ZNF704: variants seen among roughly 807,000 people sequenced by gnomAD.
The protein encoded by ZNF704 is glucocorticoid induced gene 1.
In ZNF704, 10 loss-of-function variants were observed where a neutral mutation model predicts 44.7. The ratio of observed to expected loss-of-function variants is 0.22; its 90% confidence interval spans 0.14 to 0.38. The LOEUF is 0.38. ZNF704 is among the 10% of genes least tolerant of loss of function. The pLI is 1.00. For synonymous variants in ZNF704, 211 were observed against 207.6 expected, an observed-to-expected ratio of 1.02 and a Z score of -0.14; for missense variants, 390 against 545.5, an observed-to-expected ratio of 0.71 and a Z score of 2.84.
chr8:80,816,289 T>A (rs1305176877), intron 2 of ZNF704, among the ~76,000 whole-genome samples: 2 of 152,224 alleles, frequency 1.3e-5, no homozygotes, highest in Non-Finnish European at 2.9e-5. Context: ...ACAAAATCCT[T>A]CTCAGTGACA....
intron 1 of ZNF704, among the ~76,000 whole-genome samples, chr8:80,868,063 C>T (rs756185506): frequency 6.6e-6 from 1 of 152,188 alleles, no homozygotes; most frequent in African/African-American, 2.4e-5. Context: ...GTTATCTCAG[C>T]CTCGCTACTG....
At chr8:80,706,207 T>G (rs1391120180) in intron 2 of ZNF704, among the ~76,000 whole-genome samples, 2 of 152,154 alleles carry the variant, frequency 1.3e-5, no homozygotes, top group Non-Finnish European at 2.9e-5. Context: ...GAGCCTCAAA[T>G]CCACTTAAGC....
At chr8:80,752,322 AAAC>A (rs1262930612) in intron 2 of ZNF704, among the ~76,000 whole-genome samples, 1 of 152,068 alleles carries the variant, frequency 6.6e-6, no homozygotes, top group Admixed American at 6.5e-5. Context: ...AGGAAAAAAA[AAAC>A]AACACAAAGT....
intron 2 of ZNF704, among the ~76,000 whole-genome samples, chr8:80,729,931 G>A (rs746253176): frequency 1.3e-5 from 2 of 152,128 alleles, no homozygotes; most frequent in East Asian, 1.9e-4. Context: ...TTACTGCTGC[G>A]AATCACCTGG....
At chr8:80,741,224 A>G (rs1201567833) in intron 2 of ZNF704, among the ~76,000 whole-genome samples, 1 of 152,206 alleles carries the variant, frequency 6.6e-6, no homozygotes, top group Non-Finnish European at 1.5e-5. Flanking sequence ...GCCAATACCC[A>G]TTTAGTAAGA....
At chr8:80,843,975 A>G (rs772215463) in intron 1 of ZNF704, among the ~76,000 whole-genome samples, 22 of 126,452 alleles carry the variant, frequency 1.7e-4, no homozygotes, top group South Asian at 4.4e-4. Flanking sequence ...ATATGTGTAT[A>G]TATATATATA....
intron 7 of ZNF704, among the ~76,000 whole-genome samples, chr8:80,655,069 T>C (rs1205010193): frequency 6.6e-6 from 1 of 152,112 alleles, no homozygotes; most frequent in African/African-American, 2.4e-5. Context: ...GAAACCATCA[T>C]TCTCAGCAAA....
At chr8:80,669,350 C>T (rs1015881399) in intron 5 of ZNF704, among the ~76,000 whole-genome samples, 2 of 152,162 alleles carry the variant, frequency 1.3e-5, no homozygotes, top group African/African-American at 4.8e-5. Flanking sequence ...GTGTTCTTCC[C>T]TGAGGTATTT....
chr8:80,771,004 A>G (rs918152124), intron 2 of ZNF704, among the ~76,000 whole-genome samples: 1 of 152,068 alleles, frequency 6.6e-6, no homozygotes, highest in Non-Finnish European at 1.5e-5. Flanking sequence ...TTTCTTTTAC[A>G]CTTTTGTCAA....
At chr8:80,855,641 T>A (rs1808947497) in intron 1 of ZNF704, among the ~76,000 whole-genome samples, 1 of 152,182 alleles carries the variant, frequency 6.6e-6, no homozygotes, top group Non-Finnish European at 1.5e-5. Context: ...AAGAGGTGGA[T>A]GATGAGAGAT....
chr8:80,751,693 T>C (rs1454637517), intron 2 of ZNF704, among the ~76,000 whole-genome samples: 1 of 152,210 alleles, frequency 6.6e-6, no homozygotes, highest in East Asian at 1.9e-4. Context: ...AATCACTGTT[T>C]TGCTCTCCTT....
At chr8:80,784,712 C>T (rs1807586751) in intron 2 of ZNF704, among the ~76,000 whole-genome samples, 1 of 152,198 alleles carries the variant, frequency 6.6e-6, no homozygotes, top group South Asian at 2.1e-4. Flanking sequence ...TCGCTTGACA[C>T]TGTCTTTTGC....
At chr8:80,805,827 CCTAGGATTCTCACT>C (rs147708141) in intron 2 of ZNF704, among the ~76,000 whole-genome samples, 6,968 of 152,182 alleles carry the variant, frequency 0.046, 561 homozygotes, top group African/African-American at 0.16. Flanking sequence ...CCTCCCTCAC[CCTAGGATTCTCACT>C]TGGCTCCTGT....
At chr8:80,748,505 GCCCGGAAGGATCTCAGAAGATCCC>G (rs1806885150) in intron 2 of ZNF704, among the ~76,000 whole-genome samples, 1 of 152,186 alleles carries the variant, frequency 6.6e-6, no homozygotes, top group Non-Finnish European at 1.5e-5. Context: ...TTCTTCCTCT[GCCCGGAAGGATCTCAGAAGATCCC>G]CCTAGGCCCA....
chr8:80,655,019 T>C (rs1334998639), intron 7 of ZNF704, among the ~76,000 whole-genome samples: 2 of 152,130 alleles, frequency 1.3e-5, no homozygotes, highest in African/African-American at 2.4e-5. Context: ...CCATAAAAAA[T>C]GATGAGTTCA....
At chr8:80,777,053 T>G (rs1807425598) in intron 2 of ZNF704, 2 of 152,144 alleles carry the variant, frequency 1.3e-5, no homozygotes, top group Non-Finnish European at 2.9e-5. Flanking sequence ...TATTTATTTA[T>G]TTATAAAATT....
In ZNF704 at chr8:80,665,048, C is replaced by G. The variant is rs1240233784; in HGVS notation, c.694G>C (p.Glu232Gln). 6.2e-7 allele frequency: 1 copy of G among 1,614,078 alleles called. No individual in the cohort carries two copies. Among genetic ancestry groups the G allele is most frequent in the Non-Finnish European group, 8.5e-7 (1 of 1,180,034 alleles). Residue 232 changes from glutamate to glutamine, a missense_variant, in exon 6 of 9, where the codon GAG becomes CAG. By Grantham distance (29) the Glu-to-Gln change is conservative. This residue lies in a region of ZNF704 where 305 missense variants were observed against 435.7 expected (regional missense o/e 0.70). Coordinates refer to ENST00000327835, the MANE Select transcript of ZNF704 (RefSeq NM_001033723.3). ...TTGATCTCAGTGTAGTAAAAGTCCT[C>G]TTCTCCATCACTGTAGTCAGAGTCT... is the stretch of plus-strand genomic sequence containing the variant. ...VGDSDYSDGE[E>Q]DFYYTEIKLN...
At chr8:80,876,912 A>G (rs1221922358), upstream of ZNF704, among the ~76,000 whole-genome samples, 1 of 152,188 alleles carries the variant, frequency 6.6e-6, no homozygotes, top group African/African-American at 2.4e-5. Flanking sequence ...TCGGAGGACC[A>G]TGGTCAGGCC....
In ZNF704 at chr8:80,746,380, T is replaced by C. The variant is rs1018388996; in HGVS notation, c.222-53273A>G. Among the ~76,000 whole-genome samples, 9 of 152,302 alleles carry C rather than the reference T, an allele frequency of 5.9e-5. No individual in the cohort carries two copies. In the South Asian group the frequency reaches 1.9e-3, roughly 32 times the overall value. ...GGGCAGACCTGGGTTTATGTCCTGG[T>C]CTATTACCCATTGTATTCACTGATT... is the stretch of plus-strand genomic sequence containing the variant. On this transcript the variant is annotated intron_variant, in intron 2 of 8. Transcript: ENST00000327835.
Sources: allele counts gnomAD v4.1 joint callset (sites outside exome capture counted in the v4.1 genomes callset), GRCh38; gene constraint gnomAD v4.1.1; regional missense constraint gnomAD v4.1.1; transcripts MANE v1.5; gene names NCBI Gene and HGNC (gene_info 2026-07-23, HGNC 2026-07-21).